The following PCDH11X variants were observed in gnomAD, a reference collection of about 807,000 sequenced individuals.
The protein encoded by PCDH11X is protocadherin 11 X-linked, also known as protocadherin-11 X-linked.
PCDH11X carries 18 observed loss-of-function variants against 53.3 expected under a neutral mutation model. That is an observed-to-expected ratio of 0.34 (90% CI 0.23 to 0.50). The LOEUF is 0.50. Among genes scored for constraint, PCDH11X ranks in the 20% least tolerant of loss-of-function variants. The pLI, the probability that PCDH11X is intolerant of heterozygous loss-of-function variation, is 0.98. For missense variants in PCDH11X, 570 were observed against 1,032.4 expected, an observed-to-expected ratio of 0.55 and a Z score of 6.14; for synonymous variants, 279 against 393.3, an observed-to-expected ratio of 0.71 and a Z score of 3.44.
chrX:92,078,302 T>C (rs1045224604), intron 6 of PCDH11X, among the ~76,000 whole-genome samples: 1 of 111,336 alleles, frequency 9.0e-6, no homozygotes, highest in Non-Finnish European at 1.9e-5. Flanking sequence ...ATCCCAATAG[T>C]ACAGAAAGCT....
intron 10 of PCDH11X, among the ~76,000 whole-genome samples, chrX:92,553,905 CAA>C (rs1279966365): frequency 9.0e-6 from 1 of 111,167 alleles, no homozygotes; most frequent in East Asian, 2.8e-4. Flanking sequence ...GCAGAAGTGA[CAA>C]AAATTCAGGA....
intron 6 of PCDH11X, among the ~76,000 whole-genome samples, chrX:92,021,131 T>C (rs1272147499): frequency 2.7e-5 from 3 of 110,654 alleles, no homozygotes; most frequent in Non-Finnish European, 1.9e-5. Context: ...GTACCTCTTC[T>C]CCAAATGATC....
At chrX:92,598,179 A>G (rs1056421416) in intron 10 of PCDH11X, among the ~76,000 whole-genome samples, 3 of 111,461 alleles carry the variant, frequency 2.7e-5, no homozygotes, top group Non-Finnish European at 3.8e-5. Flanking sequence ...GCAAAAATGT[A>G]CAAATGGAAT....
chrX:91,873,060 C>A (rs1204701723), intron 5 of PCDH11X, among the ~76,000 whole-genome samples: 1 of 108,014 alleles, frequency 9.3e-6, no homozygotes, highest in Non-Finnish European at 1.9e-5. Flanking sequence ...AACCTGTGGG[C>A]AACTCCTGTT....
At position 92,258,774 on chromosome X, in the gene PCDH11X, C is replaced by T. The variant is rs56403809; in HGVS notation, c.3115-4340C>T. Among the ~76,000 whole-genome samples the T allele has an allele frequency of 1.7e-3, 192 of 111,979 alleles. 1 individual carries two copies. Among genetic ancestry groups the T allele is most frequent in the African/African-American group, 5.9e-3 (183 of 30,873 alleles). On this transcript the variant is annotated intron_variant, in intron 7 of 10. Transcript: ENST00000682573. ...GCTGCAAATTTTTCAAAATTTTATG[C>T]TCTGCTTCCTTTTAAAATATAAGTT... is the stretch of plus-strand genomic sequence containing the variant.
At chrX:92,481,175 G>T (rs1214090065) in intron 10 of PCDH11X, among the ~76,000 whole-genome samples, 2 of 110,739 alleles carry the variant, frequency 1.8e-5, no homozygotes, top group African/African-American at 3.3e-5. Context: ...GCCTGGTAAA[G>T]GTGGGGCTGC....
intron 6 of PCDH11X, among the ~76,000 whole-genome samples, chrX:92,094,225 T>G (rs1410565084): frequency 1.8e-5 from 2 of 108,610 alleles, no homozygotes; most frequent in African/African-American, 6.7e-5. Flanking sequence ...CTAGCATGGT[T>G]GTTTTGTTGA....
At chrX:92,143,859 G>A (rs1328175137) in intron 6 of PCDH11X, among the ~76,000 whole-genome samples, 33 of 111,527 alleles carry the variant, frequency 3.0e-4, no homozygotes, top group African/African-American at 5.5e-4. Flanking sequence ...ATGCCAGTCC[G>A]TGAAAGCAGC....
chrX:91,962,990 A>C (rs1159698949), intron 6 of PCDH11X, among the ~76,000 whole-genome samples: 4 of 110,868 alleles, frequency 3.6e-5, no homozygotes, highest in Non-Finnish European at 7.6e-5. Flanking sequence ...CAAAAAAAAA[A>C]CATTTTTCCC....
chrX:91,878,262 T>C lies in PCDH11X; in HGVS notation c.2022T>C (p.Ile674=), dbSNP rs375016036. 40 of 1,209,056 alleles carry C rather than the reference T, an allele frequency of 3.3e-5. No homozygotes were observed. The highest frequency in any genetic ancestry group is 5.3e-5 in the South Asian group (3 of 56,716). ...VDVNDNKPVF[I]VPPSNCSYEL... Reference sequence around the variant, plus strand: ...TCAATGACAACAAACCAGTTTTCATTGTCCCTCCTTCCAACTGTTCTTATG... The same window carrying C: ...TCAATGACAACAAACCAGTTTTCATCGTCCCTCCTTCCAACTGTTCTTATG... Residue 674 remains isoleucine (I), a synonymous_variant, in exon 6 of 11, where the codon ATT becomes ATC. Transcript: ENST00000682573.
intron 1 of PCDH11X, among the ~76,000 whole-genome samples, chrX:91,789,218 AAAAAAG>A (rs1935448927): frequency 9.3e-6 from 1 of 107,503 alleles, no homozygotes; most frequent in Non-Finnish European, 1.9e-5. Flanking sequence ...AAAAAAAAAA[AAAAAAG>A]AAAAGAAAAA....
intron 6 of PCDH11X, among the ~76,000 whole-genome samples, chrX:91,943,438 T>C (rs1160683346): frequency 9.0e-5 from 10 of 110,552 alleles, no homozygotes; most frequent in Non-Finnish European, 1.9e-4. Flanking sequence ...TAAAGTCTAT[T>C]AAAACAAATC....
chrX:92,505,513 G>A (rs2074042570), intron 10 of PCDH11X, among the ~76,000 whole-genome samples: 1 of 110,109 alleles, frequency 9.1e-6, no homozygotes, highest in Non-Finnish European at 1.9e-5. Flanking sequence ...GGCTGTAAGT[G>A]TGTGGCTTTA....
chrX:92,247,352 T>A (rs946633414), intron 7 of PCDH11X, among the ~76,000 whole-genome samples: 10 of 111,225 alleles, frequency 9.0e-5, no homozygotes, highest in African/African-American at 1.6e-4. Flanking sequence ...TCCAGGCATT[T>A]AAAAAAAATA....
chrX:91,884,736 T>A (rs1294612202), intron 6 of PCDH11X, among the ~76,000 whole-genome samples: 3 of 111,669 alleles, frequency 2.7e-5, no homozygotes, highest in Non-Finnish European at 5.6e-5. Flanking sequence ...TTTTTTAAAA[T>A]CATGTTTATT....
Position 91,886,976 on chromosome X carries a change from A to G in PCDH11X, c.3033+7703A>G, listed in dbSNP as rs1300846304. On this transcript the variant is annotated intron_variant, in intron 6 of 10. Transcript: ENST00000682573. ...ACAGAGCTAGACTCCATCTCAAAAA[A>G]AAAAAAAAAAGAAAAGAAAAGAAAA... is the stretch of plus-strand genomic sequence containing the variant. Among the ~76,000 whole-genome samples the G allele has an allele frequency of 8.2e-5, 8 of 97,418 alleles. No homozygotes were observed. The East Asian group carries it at 2.3e-3, about 28-fold the overall frequency. The allele number at this position is 97,418 out of a possible 115,157, so 84.6% of individuals were successfully genotyped here.
chrX:92,160,013 A>G (rs1216504266), intron 6 of PCDH11X, among the ~76,000 whole-genome samples: 1 of 110,681 alleles, frequency 9.0e-6, no homozygotes, highest in African/African-American at 3.3e-5. Flanking sequence ...GGTTTGCTCT[A>G]CTGGGGCCTA....
chrX:92,184,048 G>A lies in PCDH11X; in HGVS notation c.3034-17327G>A, dbSNP rs1265387622. 4.5e-5 allele frequency among the ~76,000 whole-genome samples: 5 copies of A among 111,115 alleles called. No individual in the cohort carries two copies. In the South Asian group the frequency reaches 1.1e-3, roughly 25 times the overall value. ...TAATCTCAGGCGGGCAGTTTTTAAGGTTCTATTCATAACTGTAGCCCCAGC... is the reference window on the plus strand; with the variant it reads ...TAATCTCAGGCGGGCAGTTTTTAAGATTCTATTCATAACTGTAGCCCCAGC... On this transcript the variant is annotated intron_variant, in intron 6 of 10. Coordinates refer to ENST00000682573, the MANE Select transcript of PCDH11X (RefSeq NM_032968.5).
chrX:92,424,184 G>GA lies in PCDH11X; in HGVS notation c.3343+36251_3343+36252insA, dbSNP rs2072048133. ...GAACACAGAATTTCTATTGGCAAAT[G>GA]TTTTTTTTTTTTTTTCCCTTGAGAA... On this transcript the variant is annotated intron_variant, in intron 9 of 10. Coordinates refer to ENST00000682573, the MANE Select transcript of PCDH11X (RefSeq NM_032968.5). 2.6e-5 allele frequency among the ~76,000 whole-genome samples: 2 copies of GA among 76,365 alleles called. 1 individual carries two copies. The highest frequency in any genetic ancestry group is 5.7e-5 in the Non-Finnish European group (2 of 35,105). The allele number at this position is 76,365 out of a possible 115,157, so 66.3% of individuals were successfully genotyped here. A position where few individuals can be genotyped will look rare whatever the true frequency, so the allele number is the denominator to read the frequency against.
Sources: allele counts gnomAD v4.1 joint callset (sites outside exome capture counted in the v4.1 genomes callset), GRCh38; gene constraint gnomAD v4.1.1; transcripts MANE v1.5; gene names NCBI Gene and HGNC (gene_info 2026-07-23, HGNC 2026-07-21).